Variants in C6 observed in about 807,000 individuals in gnomAD.
C6 encodes complement C6, also known as complement component C6.
Under a neutral mutation model 112.9 loss-of-function variants are expected in C6, and 101 were observed. The ratio of observed to expected loss-of-function variants is 0.89; its 90% CI spans 0.76 to 1.06. The LOEUF (loss-of-function observed/expected upper bound fraction) is 1.06, where lower values mean the gene tolerates loss of function less well. C6 is among the 50% of genes least tolerant of loss of function. The probability of loss-of-function intolerance (pLI) is 0.00; values close to 1 mark genes in which losing one functional copy is unlikely to be tolerated. For synonymous variants in C6, 431 were observed against 384.1 expected, an observed-to-expected ratio of 1.12 and a Z score of -1.43; for missense variants, 1,202 against 1,104.6, an observed-to-expected ratio of 1.09 and a Z score of -1.25.
chr5:41,255,149 G>T (rs1741607308), intron 1 of C6, among the ~76,000 whole-genome samples: 1 of 152,084 alleles, frequency 6.6e-6, no homozygotes, highest in East Asian at 1.9e-4. Context: ...ATCACTTGAG[G>T]CAGGAGTTCA....
At chr5:41,231,796 A>G (rs1282283164) in intron 1 of C6, among the ~76,000 whole-genome samples, 1 of 152,030 alleles carries the variant, frequency 6.6e-6, no homozygotes, top group Non-Finnish European at 1.5e-5. Context: ...GTAATTTTTT[A>G]AAAATGATAG....
chr5:41,160,144 G>T lies in C6; in HGVS notation c.1682C>A (p.Ser561Tyr). ...CACAATAGATTCCTGATACTTACTG[G>T]ATTTATAATCTGGAGACTGTTTCTC... ...NCEKQSPDYK[S>Y]NAVDGQWGCW... The change falls in exon 11 of 18, where the codon TCC becomes TAC. Residue 561 changes from serine (S) to tyrosine (Y), a missense_variant and splice_region_variant. Ser to Tyr is a moderately radical substitution (Grantham distance 144). Transcript: ENST00000337836. 1 of 1,604,846 alleles carries T rather than the reference G, an allele frequency of 6.2e-7. No homozygotes were observed.
intron 5 of C6, among the ~76,000 whole-genome samples, chr5:41,190,784 T>C (rs906309358): frequency 6.6e-6 from 1 of 152,192 alleles, no homozygotes; most frequent in Non-Finnish European, 1.5e-5. Flanking sequence ...TTGTATAGCA[T>C]GAGTGGTGGG....
chr5:41,245,492 G>T (rs1291977083), intron 1 of C6, among the ~76,000 whole-genome samples: 1 of 101,782 alleles, frequency 9.8e-6, no homozygotes, highest in African/African-American at 3.7e-5. Context: ...TTGCACTCCA[G>T]CCTGGGCAAA....
At chr5:41,193,816 G>A (rs13435916) in intron 5 of C6, among the ~76,000 whole-genome samples, 14,641 of 133,488 alleles carry the variant, frequency 0.11, 717 homozygotes, top group African/African-American at 0.13. Flanking sequence ...TTTTTTTTGT[G>A]GTTAGAAATA....
rs147089072 is a variant in C6 at position 41,181,049 on chromosome 5, C to A, written c.927+310G>T. Among the ~76,000 whole-genome samples the A allele has an allele frequency of 2.9e-3, 434 of 151,328 alleles. 3 individuals are homozygous for A. Among genetic ancestry groups the A allele is most frequent in the African/African-American group, 9.9e-3 (410 of 41,288 alleles). On this transcript the variant is annotated intron_variant, in intron 7 of 17. Transcript: ENST00000337836. ...AACAAAAATATAAAATACAGATTGT[C>A]ATATTACATGAAAGGTCAAAGTTCT...
At chr5:41,162,382 C>T (rs557527822) in intron 9 of C6, among the ~76,000 whole-genome samples, 1 of 152,050 alleles carries the variant, frequency 6.6e-6, no homozygotes, top group East Asian at 1.9e-4. Flanking sequence ...CTTCCAATTA[C>T]AGGGAAAAAA....
intron 1 of C6, among the ~76,000 whole-genome samples, chr5:41,219,745 G>T (rs1232678350): frequency 6.6e-6 from 1 of 152,116 alleles, no homozygotes; most frequent in African/African-American, 2.4e-5. Context: ...AACATCTAAG[G>T]GAGAAAAAGG....
chr5:41,247,324 G>T (rs534825846), intron 1 of C6, among the ~76,000 whole-genome samples: 3 of 152,026 alleles, frequency 2.0e-5, no homozygotes, highest in Admixed American at 2.0e-4. Flanking sequence ...CTGGAATGAC[G>T]TCAGTAAAAT....
intron 1 of C6, among the ~76,000 whole-genome samples, chr5:41,239,020 T>A (rs573601424): frequency 1.1e-3 from 166 of 152,232 alleles, no homozygotes; most frequent in South Asian, 2.3e-3. Context: ...AAATGTAACA[T>A]TTTGTTACAT....
At chr5:41,256,296 A>G (rs1741695389) in intron 1 of C6, among the ~76,000 whole-genome samples, 1 of 151,980 alleles carries the variant, frequency 6.6e-6, no homozygotes, top group South Asian at 2.1e-4. Context: ...TCATTTGGGT[A>G]TAGGATAGCA....
Position 41,209,833 on chromosome 5 carries a change from A to C in C6, c.-21+3543T>G, listed in dbSNP as rs113776969. On this transcript the variant is annotated intron_variant, in intron 1 of 17. Transcript: ENST00000337836. ...TTCAATGCCATCCCCATCAAGCTAC[A>C]AATGACTTTCTTCACAGAATTGGTA... Among the ~76,000 whole-genome samples, 1,246 of 152,272 alleles carry C rather than the reference A, an allele frequency of 8.2e-3. 19 individuals carry two copies. Among genetic ancestry groups the C allele is most frequent in the African/African-American group, 0.028 (1,163 of 41,548 alleles).
At chr5:41,160,855 A>T (rs986251842) in intron 10 of C6, among the ~76,000 whole-genome samples, 3 of 152,178 alleles carry the variant, frequency 2.0e-5, no homozygotes, top group Admixed American at 6.5e-5. Flanking sequence ...TGAAGAAATA[A>T]ACTTGCCAGT....
At chr5:41,149,207 G>A (rs1746136130) in intron 17 of C6, 34 bp downstream of exon 17, 2 of 1,612,502 alleles carry the variant, frequency 1.2e-6, no homozygotes, top group African/African-American at 2.7e-5. Context: ...AAGGTTAAGT[G>A]AGAGCATTTA....
chr5:41,178,707 C>T (rs1246797192), intron 7 of C6, among the ~76,000 whole-genome samples: 2 of 152,008 alleles, frequency 1.3e-5, no homozygotes, highest in Non-Finnish European at 2.9e-5. Flanking sequence ...AACTCCTGAC[C>T]TCAGGTGATC....
chr5:41,185,698 TAAGAGCACTA>T (rs1749713899), intron 6 of C6, among the ~76,000 whole-genome samples: 3 of 152,214 alleles, frequency 2.0e-5, no homozygotes, highest in African/African-American at 7.2e-5. Context: ...TGTGGTTATC[TAAGAGCACTA>T]CCTAGGTTAG....
At chr5:41,159,009 TAACCATTTG>T in intron 12 of C6, 64 bp downstream of exon 12, 2 of 1,506,970 alleles carry the variant, frequency 1.3e-6, no homozygotes, top group South Asian at 2.3e-5. Flanking sequence ...AGTAGACTAA[TAACCATTTG>T]AACTCTCAAT....
intron 15 of C6, among the ~76,000 whole-genome samples, chr5:41,153,528 G>T (rs755216953): frequency 2.0e-4 from 30 of 152,146 alleles, no homozygotes; most frequent in Non-Finnish European, 3.1e-4. Context: ...ATTTCCATGA[G>T]ATCGCTTTAC....
chr5:41,246,600 T>A (rs1741034602), intron 1 of C6, among the ~76,000 whole-genome samples: 1 of 152,202 alleles, frequency 6.6e-6, no homozygotes, highest in African/African-American at 2.4e-5. Context: ...TGCATCTAAC[T>A]AGGAGTTTTT....
Sources: allele counts gnomAD v4.1 joint callset (sites outside exome capture counted in the v4.1 genomes callset), GRCh38; gene constraint gnomAD v4.1.1; transcripts MANE v1.5; gene names NCBI Gene and HGNC (gene_info 2026-07-23, HGNC 2026-07-21).